The following NLGN1 variants were observed in gnomAD, a reference collection of about 807,000 sequenced individuals.
NLGN1 encodes neuroligin-1.
Under a neutral mutation model 65.5 loss-of-function variants are expected in NLGN1, and 12 were observed. That is an observed-to-expected ratio of 0.18 (90% CI 0.12 to 0.30). The LOEUF is 0.30. Ranked by LOEUF, NLGN1 falls within the 10% of genes least tolerant of loss-of-function variation. The pLI, the probability that NLGN1 is intolerant of heterozygous loss-of-function variation, is 1.00. For synonymous variants in NLGN1, 350 were observed against 359.5 expected (o/e 0.97, Z 0.30); for missense variants, 750 against 1,007.1 (o/e 0.74, Z 3.46).
chr3:173,564,864 G>A (rs1169287920), intron 2 of NLGN1, among the ~76,000 whole-genome samples: 1 of 152,204 alleles, frequency 6.6e-6, no homozygotes. Context: ...AGATCAGCAA[G>A]CTAATAGGAA....
intron 4 of NLGN1, among the ~76,000 whole-genome samples, chr3:174,265,580 G>C (rs1032002952): frequency 6.6e-6 from 1 of 151,850 alleles, no homozygotes; most frequent in African/African-American, 2.4e-5. Flanking sequence ...CCCACTGTCT[G>C]GCACTCCCTA....
intron 3 of NLGN1, among the ~76,000 whole-genome samples, chr3:173,674,821 GT>G (rs1428019849): frequency 6.6e-6 from 1 of 151,918 alleles, no homozygotes; most frequent in Non-Finnish European, 1.5e-5. Context: ...TGAGACATAG[GT>G]TTATAAACTT....
At chr3:174,017,189 A>G (rs1022895105) in intron 4 of NLGN1, among the ~76,000 whole-genome samples, 9 of 152,294 alleles carry the variant, frequency 5.9e-5, no homozygotes, top group Admixed American at 3.9e-4. Flanking sequence ...AGCCTAGATC[A>G]TGGTTTCACA....
chr3:173,938,608 T>C (rs1247522129), intron 4 of NLGN1, among the ~76,000 whole-genome samples: 1 of 152,160 alleles, frequency 6.6e-6, no homozygotes, highest in Admixed American at 6.5e-5. Context: ...AGGAAAAACT[T>C]CTAAGCATAC....
intron 2 of NLGN1, among the ~76,000 whole-genome samples, chr3:173,520,463 C>G (rs1188417511): frequency 6.6e-6 from 1 of 152,152 alleles, no homozygotes; most frequent in Non-Finnish European, 1.5e-5. Context: ...AAAGCCCACA[C>G]TAGAAAACAA....
At chr3:173,645,257 C>T (rs1758062531) in intron 3 of NLGN1, among the ~76,000 whole-genome samples, 1 of 152,232 alleles carries the variant, frequency 6.6e-6, no homozygotes, top group African/African-American at 2.4e-5. Context: ...TGTACAAAAG[C>T]TGGGAGACTT....
chr3:173,428,030 C>T (rs1324516907), intron 1 of NLGN1, among the ~76,000 whole-genome samples: 3 of 151,662 alleles, frequency 2.0e-5, no homozygotes, highest in African/African-American at 4.8e-5. Context: ...GCTATATGCT[C>T]CTGTTATATT....
chr3:173,867,530 A>G (rs901785765), intron 4 of NLGN1, among the ~76,000 whole-genome samples: 8 of 152,126 alleles, frequency 5.3e-5, no homozygotes, highest in Non-Finnish European at 7.4e-5. Context: ...TCTGTTTTCC[A>G]TAAGTCAAAT....
At chr3:174,237,030 A>G (rs1053821952) in intron 4 of NLGN1, among the ~76,000 whole-genome samples, 25 of 152,282 alleles carry the variant, frequency 1.6e-4, no homozygotes, top group African/African-American at 5.5e-4. Context: ...AGATACATCA[A>G]CAAAATACAC....
chr3:173,842,340 A>G (rs577600792), intron 4 of NLGN1, among the ~76,000 whole-genome samples: 1 of 152,104 alleles, frequency 6.6e-6, no homozygotes, highest in Non-Finnish European at 1.5e-5. Context: ...GCCTCTGCCT[A>G]ATCTCACGTC....
chr3:173,552,942 G>A (rs758037938), intron 2 of NLGN1, among the ~76,000 whole-genome samples: 1 of 152,172 alleles, frequency 6.6e-6, no homozygotes, highest in Non-Finnish European at 1.5e-5. Flanking sequence ...CTCAAAATAT[G>A]ATCCATGGAT....
At chr3:173,446,197 T>C (rs1720253089) in intron 2 of NLGN1, among the ~76,000 whole-genome samples, 1 of 149,254 alleles carries the variant, frequency 6.7e-6, no homozygotes, top group African/African-American at 2.5e-5. Flanking sequence ...GTATATCTCC[T>C]AATGCTATCC....
At chr3:173,451,758 G>T (rs1721578601) in intron 2 of NLGN1, among the ~76,000 whole-genome samples, 1 of 152,218 alleles carries the variant, frequency 6.6e-6, no homozygotes. Flanking sequence ...CCTGGGTAAT[G>T]GCGGGTGCCC....
intron 2 of NLGN1, among the ~76,000 whole-genome samples, chr3:173,470,771 TCTCCCAGTGCAGG>T (rs934064324): frequency 3.3e-5 from 5 of 152,134 alleles, no homozygotes; most frequent in Non-Finnish European, 5.9e-5. Context: ...TATTTATCAA[TCTCCCAGTGCAGG>T]CTATGGGATT....
intron 3 of NLGN1, among the ~76,000 whole-genome samples, chr3:173,676,330 A>G (rs1346769059): frequency 6.6e-6 from 1 of 152,070 alleles, no homozygotes; most frequent in African/African-American, 2.4e-5. Context: ...TGGAAATTGG[A>G]ACAAACAAAG....
At chr3:174,235,059 A>C (rs1741466601) in intron 4 of NLGN1, among the ~76,000 whole-genome samples, 1 of 91,824 alleles carries the variant, frequency 1.1e-5, no homozygotes, top group Non-Finnish European at 2.1e-5. Context: ...AGTTTTTTTT[A>C]GTATTACCAC....
At chr3:173,959,418 T>G (rs1712991879) in intron 4 of NLGN1, among the ~76,000 whole-genome samples, 1 of 152,240 alleles carries the variant, frequency 6.6e-6, no homozygotes, top group Admixed American at 6.5e-5. Flanking sequence ...CTCCCATGCC[T>G]GGAGTCACCA....
chr3:174,137,280 G>A (rs73186540), intron 4 of NLGN1, among the ~76,000 whole-genome samples: 2,577 of 152,218 alleles, frequency 0.017, 45 homozygotes, highest in South Asian at 0.038. Flanking sequence ...GAATATACCA[G>A]CAAGCAAAAT....
intron 4 of NLGN1, among the ~76,000 whole-genome samples, chr3:173,821,936 T>A (rs529547309): frequency 6.6e-6 from 1 of 152,248 alleles, no homozygotes; most frequent in Admixed American, 6.5e-5. Context: ...ATAAATCAGG[T>A]TTAGGGAAAA....
Sources: allele counts gnomAD v4.1 joint callset (sites outside exome capture counted in the v4.1 genomes callset), GRCh38; gene constraint gnomAD v4.1.1; transcripts MANE v1.5; gene names NCBI Gene and HGNC (gene_info 2026-07-23, HGNC 2026-07-21).